Variants in PTPRG observed in about 807,000 individuals in gnomAD.
The protein encoded by PTPRG is protein tyrosine phosphatase receptor type G, also known as receptor-type tyrosine-protein phosphatase gamma.
A neutral mutation model predicts 165.3 loss-of-function variants in PTPRG; 102 were observed. The observed-to-expected ratio is 0.62, with a 90% CI of 0.53 to 0.73. The LOEUF (loss-of-function observed/expected upper bound fraction) is 0.73, where lower values mean the gene tolerates loss of function less well. Ranked by LOEUF, PTPRG falls within the 30% of genes least tolerant of loss-of-function variation. PTPRG has a pLI of 0.00. For synonymous variants in PTPRG, 675 were observed against 669.5 expected (o/e 1.01, Z -0.13); for missense variants, 1,866 against 1,861.4 (o/e 1.00, Z -0.05).
intron 2 of PTPRG, among the ~76,000 whole-genome samples, chr3:61,988,613 A>G (rs540206608): frequency 1.2e-4 from 19 of 152,306 alleles, no homozygotes; most frequent in Non-Finnish European, 2.6e-4. Flanking sequence ...ATATACACAC[A>G]TTAAGCTTTC....
chr3:61,755,622 G>A (rs549009604), intron 2 of PTPRG, among the ~76,000 whole-genome samples: 1 of 152,350 alleles, frequency 6.6e-6, no homozygotes. Context: ...TAAAATTGCT[G>A]TTGCCAGATT....
intron 5 of PTPRG, among the ~76,000 whole-genome samples, chr3:62,098,466 C>G (rs1387115159): frequency 6.6e-6 from 1 of 152,010 alleles, no homozygotes; most frequent in Non-Finnish European, 1.5e-5. Context: ...TTCCTAGAAC[C>G]AATCACCTGT....
chr3:62,004,225 T>C (rs1354924841), intron 4 of PTPRG, among the ~76,000 whole-genome samples: 7 of 152,202 alleles, frequency 4.6e-5, no homozygotes, highest in Non-Finnish European at 1.0e-4. Flanking sequence ...TATTCTTTTG[T>C]TGTGATGAAC....
intron 4 of PTPRG, among the ~76,000 whole-genome samples, chr3:62,003,788 T>G (rs1186487256): frequency 6.6e-6 from 1 of 151,986 alleles, no homozygotes; most frequent in African/African-American, 2.4e-5. Context: ...TCACTGTCTG[T>G]TCCCATTTTT....
chr3:62,291,604 A>G (rs963874871), intron 28 of PTPRG, among the ~76,000 whole-genome samples: 25 of 152,164 alleles, frequency 1.6e-4, no homozygotes, highest in African/African-American at 5.1e-4. Context: ...ATTTTATGTA[A>G]CAATTCAGAA....
At chr3:61,909,466 C>T (rs2038745834) in intron 2 of PTPRG, among the ~76,000 whole-genome samples, 1 of 152,182 alleles carries the variant, frequency 6.6e-6, no homozygotes, top group Non-Finnish European at 1.5e-5. Flanking sequence ...CCTCCCACGT[C>T]AGTCCCCCAG....
chr3:62,171,749 T>A (rs1261757976), intron 8 of PTPRG, among the ~76,000 whole-genome samples: 1 of 152,134 alleles, frequency 6.6e-6, no homozygotes, highest in East Asian at 1.9e-4. Context: ...TCACATACCA[T>A]GAAATTCATT....
chr3:61,692,743 A>G (rs968838372), intron 1 of PTPRG, among the ~76,000 whole-genome samples: 1 of 152,164 alleles, frequency 6.6e-6, no homozygotes, highest in African/African-American at 2.4e-5. Flanking sequence ...GTCATCAGTT[A>G]AGGCAGGAAC....
chr3:62,080,199 C>T (rs1036954978), intron 5 of PTPRG, among the ~76,000 whole-genome samples: 14 of 151,164 alleles, frequency 9.3e-5, no homozygotes, highest in Non-Finnish European at 1.9e-4. Flanking sequence ...TCCTGAGTAG[C>T]TGGGAATTAC....
At chr3:61,702,878 G>A (rs976024587) in intron 1 of PTPRG, among the ~76,000 whole-genome samples, 2 of 152,186 alleles carry the variant, frequency 1.3e-5, no homozygotes, top group African/African-American at 4.8e-5. Context: ...TTTTCTTCTT[G>A]TTAGACCTTT....
intron 4 of PTPRG, among the ~76,000 whole-genome samples, chr3:62,068,418 A>G (rs1381669009): frequency 1.3e-5 from 2 of 152,148 alleles, no homozygotes; most frequent in Non-Finnish European, 2.9e-5. Context: ...AGTAGCTTAT[A>G]TTAAATGGAA....
intron 2 of PTPRG, among the ~76,000 whole-genome samples, chr3:61,829,999 A>C (rs1413372289): frequency 6.6e-6 from 1 of 152,250 alleles, no homozygotes; most frequent in Non-Finnish European, 1.5e-5. Context: ...GATAGCTCAC[A>C]GAAAAGAAGA....
chr3:62,188,974 A>T (rs891198979), intron 8 of PTPRG, among the ~76,000 whole-genome samples: 12 of 151,936 alleles, frequency 7.9e-5, no homozygotes, highest in African/African-American at 2.7e-4. Flanking sequence ...TGTCTTGAAA[A>T]ACTATGAAGC....
At chr3:61,859,914 A>G (rs1171126622) in intron 2 of PTPRG, among the ~76,000 whole-genome samples, 1 of 152,202 alleles carries the variant, frequency 6.6e-6, no homozygotes, top group African/African-American at 2.4e-5. Flanking sequence ...AATCCATGGC[A>G]CATAGATGCT....
intron 2 of PTPRG, among the ~76,000 whole-genome samples, chr3:61,984,877 G>A (rs1161310463): frequency 6.6e-6 from 1 of 152,164 alleles, no homozygotes; most frequent in South Asian, 2.1e-4. Flanking sequence ...CAATTATATA[G>A]AATGTTTGTC....
chr3:61,581,096 C>T (rs1038953503), intron 1 of PTPRG, among the ~76,000 whole-genome samples: 1 of 152,144 alleles, frequency 6.6e-6, no homozygotes, highest in Non-Finnish European at 1.5e-5. Context: ...CATCTATAGC[C>T]AAGGAAGCAG....
intron 1 of PTPRG, among the ~76,000 whole-genome samples, chr3:61,717,374 A>G (rs1352581262): frequency 1.3e-5 from 2 of 152,220 alleles, no homozygotes; most frequent in Non-Finnish European, 2.9e-5. Context: ...GCCAAAGGCA[A>G]TAGACCCAGA....
rs115118509 is a variant in PTPRG at position 62,094,710 on chromosome 3, G to A, written c.615+16452G>A. Among the ~76,000 whole-genome samples, 216 of 152,306 alleles carry A rather than the reference G, an allele frequency of 1.4e-3. 2 individuals carry two copies. The highest frequency in any genetic ancestry group is 6.8e-3 in the Middle Eastern group (2 of 294). On this transcript the variant is annotated intron_variant, in intron 5 of 29. Coordinates refer to ENST00000474889, the MANE Select transcript of PTPRG (RefSeq NM_002841.4). The stretch of plus-strand genomic sequence containing the variant: ...CTTCTAGTCCAACGTCCCCACTGAG[G>A]CTATCCAGGGCCTATGCTGAGAATT...
rs185344906 is a variant in PTPRG at position 61,941,134 on chromosome 3, G to A, written c.191-48491G>A. Among the ~76,000 whole-genome samples, 22 of 152,318 alleles carry A rather than the reference G, an allele frequency of 1.4e-4. No homozygotes were observed. In the East Asian group the frequency reaches 3.9e-3, roughly 27 times the overall value. On this transcript the variant is annotated intron_variant, in intron 2 of 29. Transcript: ENST00000474889. ...TACTGCCATCTCACAAACTTGTTGT[G>A]TGGATCCAAGGTGATAATCATTCAT...
Sources: gnomAD v4.1 joint callset for allele counts (sites outside exome capture counted in the v4.1 genomes callset) on GRCh38, gnomAD v4.1.1 for gene constraint, MANE v1.5 for transcripts, NCBI Gene and HGNC (gene_info 2026-07-23, HGNC 2026-07-21) for gene names.